CSMD3: variants seen among roughly 807,000 people sequenced by gnomAD.
The protein encoded by CSMD3 is CUB and sushi domain-containing protein 3.
CSMD3 carries 177 observed loss-of-function variants against 435.2 expected under a neutral mutation model. That is an observed-to-expected ratio of 0.41 (90% CI 0.36 to 0.46). The LOEUF (loss-of-function observed/expected upper bound fraction) is 0.46, where lower values mean the gene tolerates loss of function less well. Ranked by LOEUF, CSMD3 falls within the 20% of genes least tolerant of loss-of-function variation. CSMD3 has a pLI of 0.34. For missense variants in CSMD3, 4,265 were observed against 4,504.6 expected (o/e 0.95, Z 1.52); for synonymous variants, 1,656 against 1,520.5 (o/e 1.09, Z -2.07).
At chr8:112,313,799 A>T in intron 49 of CSMD3, 107 bp downstream of exon 49, 1 of 839,212 alleles carries the variant, frequency 1.2e-6, no homozygotes. Context: ...TCAATGGAGG[A>T]GCTGTGATTT....
intron 1 of CSMD3, among the ~76,000 whole-genome samples, chr8:113,410,419 G>C (rs987162585): frequency 3.3e-5 from 5 of 152,000 alleles, no homozygotes; most frequent in African/African-American, 4.8e-5. Flanking sequence ...TCTTTTCTAA[G>C]TCCTATTTTT....
chr8:113,286,282 A>G (rs59956369), intron 2 of CSMD3, among the ~76,000 whole-genome samples: 7,777 of 152,174 alleles, frequency 0.051, 649 homozygotes, highest in African/African-American at 0.18. Flanking sequence ...AATGATAACG[A>G]TATTTTATAC....
intron 53 of CSMD3, 143 bp from the exon 54 acceptor site, chr8:112,296,149 G>A (rs1447837718): frequency 1.5e-6 from 1 of 679,626 alleles, no homozygotes; most frequent in Admixed American, 2.6e-5. Context: ...ATGACATAAA[G>A]GTAACTATGA....
intron 6 of CSMD3, among the ~76,000 whole-genome samples, chr8:112,988,247 A>T (rs940946895): frequency 2.6e-5 from 4 of 152,086 alleles, no homozygotes; most frequent in African/African-American, 9.7e-5. Context: ...TTTCCTGTCA[A>T]ATATGATAGG....
chr8:112,975,110 C>A (rs1181680975), intron 7 of CSMD3, among the ~76,000 whole-genome samples: 3 of 151,598 alleles, frequency 2.0e-5, no homozygotes, highest in African/African-American at 7.3e-5. Flanking sequence ...ATTTTCTAGA[C>A]TTCCTTATTT....
intron 3 of CSMD3, among the ~76,000 whole-genome samples, chr8:113,237,410 T>C (rs755142324): frequency 2.0e-5 from 3 of 152,212 alleles, no homozygotes; most frequent in Non-Finnish European, 4.4e-5. Context: ...GAAATTGGTA[T>C]TCCTCACTAG....
rs374295404 is a variant in CSMD3 at position 112,231,682 on chromosome 8, A to G, written c.10741-50T>C. The G allele has an allele frequency of 1.2e-5, 13 of 1,041,042 alleles. No individual in the cohort carries two copies. The African/African-American group carries it at 2.0e-4, about 16-fold the overall frequency. 64.5% of individuals were successfully genotyped at this position (1,041,042 alleles called of 1,614,324 possible). A position where few individuals can be genotyped will look rare whatever the true frequency, so the allele number is the denominator to read the frequency against. ...ATACTTGAATACTGGCCATAGCTAT[A>G]TTTTCCCAGCCTTAATAAATACACA... On this transcript the variant is annotated intron_variant, in intron 68 of 70. Transcript: ENST00000297405.
intron 13 of CSMD3, among the ~76,000 whole-genome samples, chr8:112,775,192 T>A (rs549656729): frequency 6.6e-6 from 1 of 151,530 alleles, no homozygotes. Flanking sequence ...TTATATGATA[T>A]ATTATCATAA....
chr8:112,339,233 T>G (rs2130976530), intron 42 of CSMD3, among the ~76,000 whole-genome samples: 1 of 152,106 alleles, frequency 6.6e-6, no homozygotes, highest in Admixed American at 6.6e-5. Context: ...CCTTAGCCTC[T>G]GATTGGTTGC....
intron 6 of CSMD3, among the ~76,000 whole-genome samples, chr8:112,977,504 G>C (rs2084898926): frequency 6.6e-6 from 1 of 152,006 alleles, no homozygotes; most frequent in South Asian, 2.1e-4. Context: ...CAGGTGATTA[G>C]TAGGACTAAT....
intron 35 of CSMD3, among the ~76,000 whole-genome samples, chr8:112,398,713 T>G (rs1246999535): frequency 3.3e-5 from 5 of 152,148 alleles, no homozygotes; most frequent in Non-Finnish European, 7.4e-5. Flanking sequence ...TCCAAGGCCC[T>G]TGCACTATGG....
chr8:112,802,559 A>G (rs2078984411), intron 12 of CSMD3, among the ~76,000 whole-genome samples: 1 of 151,980 alleles, frequency 6.6e-6, no homozygotes, highest in African/African-American at 2.4e-5. Flanking sequence ...TGCACATCAC[A>G]GTTTGGTTTA....
intron 1 of CSMD3, among the ~76,000 whole-genome samples, chr8:113,340,007 T>G (rs909597444): frequency 2.0e-5 from 3 of 151,778 alleles, no homozygotes; most frequent in Non-Finnish European, 4.4e-5. Flanking sequence ...AACATTTAGG[T>G]TTTTTTTAGC....
At chr8:113,334,950 T>G (rs141842360) in intron 1 of CSMD3, among the ~76,000 whole-genome samples, 1 of 152,240 alleles carries the variant, frequency 6.6e-6, no homozygotes, top group East Asian at 1.9e-4. Flanking sequence ...GGTTTGGATC[T>G]ATGTCCTCAC....
intron 12 of CSMD3, among the ~76,000 whole-genome samples, chr8:112,806,852 T>A (rs1281808446): frequency 6.6e-6 from 1 of 152,230 alleles, no homozygotes; most frequent in African/African-American, 2.4e-5. Context: ...TATGTTCTTC[T>A]TCTGTGCTCT....
chr8:112,744,858 C>T (rs2132072146), intron 13 of CSMD3, among the ~76,000 whole-genome samples: 1 of 152,190 alleles, frequency 6.6e-6, no homozygotes, highest in East Asian at 1.9e-4. Flanking sequence ...GCAGACTGGT[C>T]TGGCTAGAGA....
At chr8:113,293,506 C>T (rs2093699899) in intron 2 of CSMD3, among the ~76,000 whole-genome samples, 1 of 152,066 alleles carries the variant, frequency 6.6e-6, no homozygotes, top group Non-Finnish European at 1.5e-5. Context: ...GGGTGAGCAT[C>T]TGCTGATGGT....
intron 4 of CSMD3, among the ~76,000 whole-genome samples, chr8:113,105,596 C>G (rs886155428): frequency 1.3e-5 from 2 of 152,108 alleles, no homozygotes; most frequent in Non-Finnish European, 2.9e-5. Context: ...GCACACAGGG[C>G]TGAGATTTGT....
chr8:112,560,017 G>T (rs1320443507), intron 24 of CSMD3, among the ~76,000 whole-genome samples: 1 of 151,772 alleles, frequency 6.6e-6, no homozygotes, highest in Non-Finnish European at 1.5e-5. Context: ...TATAGGCATA[G>T]ATTCTTGACC....
Sources: gnomAD v4.1 joint callset for allele counts (sites outside exome capture counted in the v4.1 genomes callset) on GRCh38, gnomAD v4.1.1 for gene constraint, MANE v1.5 for transcripts, NCBI Gene and HGNC (gene_info 2026-07-23, HGNC 2026-07-21) for gene names.